The following PWWP2A variants were observed in gnomAD, a reference collection of about 807,000 sequenced individuals.
The protein encoded by PWWP2A is PWWP domain-containing protein 2A.
Under a neutral mutation model 48.5 loss-of-function variants are expected in PWWP2A, and 18 were observed. That is an observed-to-expected ratio of 0.37 (90% CI 0.26 to 0.55). PWWP2A has a LOEUF of 0.55. PWWP2A is among the 20% of genes least tolerant of loss of function. The pLI, the probability that PWWP2A is intolerant of heterozygous loss-of-function variation, is 0.81. For synonymous variants in PWWP2A, 396 were observed against 387.7 expected (o/e 1.02, Z -0.25); for missense variants, 867 against 976.4 (o/e 0.89, Z 1.49).
At position 160,111,759 on chromosome 5, in the gene PWWP2A, GTTAA is replaced by G. The variant is rs374314559; in HGVS notation, c.584+7042_584+7045del. On this transcript the variant is annotated intron_variant, in intron 1 of 1. Coordinates refer to ENST00000307063, the MANE Select transcript of PWWP2A (RefSeq NM_001130864.2). ...GGAAAACCCAAACTGAATTTGTAGG[GTTAA>G]TTGATTATTCTCATCTGCTAGCATT... 1.2e-4 allele frequency among the ~76,000 whole-genome samples: 18 copies of G among 152,280 alleles called. 1 individual carries two copies. Among genetic ancestry groups the G allele is most frequent in the African/African-American group, 4.1e-4 (17 of 41,560 alleles).
At chr5:160,099,191 A>G (rs1239132252) in intron 1 of PWWP2A, among the ~76,000 whole-genome samples, 1 of 152,214 alleles carries the variant, frequency 6.6e-6, no homozygotes, top group Non-Finnish European at 1.5e-5. Flanking sequence ...ACAAGTGTTT[A>G]GGTGAAAGGC....
downstream of PWWP2A, among the ~76,000 whole-genome samples, chr5:160,089,004 T>A (rs1374774815): frequency 6.6e-6 from 1 of 152,306 alleles, no homozygotes; most frequent in East Asian, 1.9e-4. Flanking sequence ...TTTTGTTGAT[T>A]TTAGTATCAG....
chr5:160,119,265 C>T lies in PWWP2A; in HGVS notation c.124G>A (p.Val42Ile). Residue 42 changes from valine (V) to isoleucine (I), a missense_variant, in exon 1 of 2, where the codon GTC becomes ATC. By Grantham distance (29) the Val-to-Ile change is conservative (BLOSUM62 3). Around this residue, in one of 4 missense-constraint regions of PWWP2A, gnomAD observed 385 missense variants for 396.9 expected, o/e 0.97. Transcript: ENST00000307063. The stretch of plus-strand genomic sequence containing the variant: ...GGCACAGACGCTTCAGTGGCCGTGA[C>T]CGGGAGGGGGTCAGTGCCGGCCTCA... Reference protein sequence around the residue: ...GSEAGTDPLPVTATEASVPDG... With the variant: ...GSEAGTDPLPITATEASVPDG... 1 of 1,404,594 alleles carries T rather than the reference C, an allele frequency of 7.1e-7. No homozygotes were observed. Among genetic ancestry groups the T allele is most frequent in the Non-Finnish European group, 9.2e-7 (1 of 1,089,514 alleles). The allele number at this position is 1,404,594 out of a possible 1,614,324, so 87.0% of individuals were successfully genotyped here.
At chr5:160,081,985 C>A (rs1400370666) in intron 2 of PWWP2A, among the ~76,000 whole-genome samples, 1 of 152,056 alleles carries the variant, frequency 6.6e-6, no homozygotes, top group African/African-American at 2.4e-5. Flanking sequence ...TTGTATACAC[C>A]TGATCTAGAA....
At chr5:160,086,010 G>C (rs1754606936) in intron 2 of PWWP2A, among the ~76,000 whole-genome samples, 1 of 151,376 alleles carries the variant, frequency 6.6e-6, no homozygotes, top group African/African-American at 2.4e-5. Flanking sequence ...ATAGAGACGG[G>C]GTTTCACCAT....
At chr5:160,061,088 C>T (rs59939934), downstream of PWWP2A, among the ~76,000 whole-genome samples, 12,451 of 152,280 alleles carry the variant, frequency 0.082, 704 homozygotes, top group Admixed American at 0.18. Flanking sequence ...GGCTGACGGG[C>T]CTGGCTCAGG....
intron 1 of PWWP2A, among the ~76,000 whole-genome samples, chr5:160,111,242 A>C (rs532089399): frequency 6.6e-6 from 1 of 152,210 alleles, no homozygotes; most frequent in South Asian, 2.1e-4. Context: ...ATCTCAGCTC[A>C]CTGCAACCTC....
At chr5:160,046,271 G>A in the PWWP2A span, among the ~76,000 whole-genome samples, 9 of 152,138 alleles carry the variant, frequency 5.9e-5, no homozygotes, top group South Asian at 2.1e-4. Flanking sequence ...CAATTTAGTC[G>A]TTGCTTCTCT....
chr5:160,111,711 A>G (rs1441144320), intron 1 of PWWP2A, among the ~76,000 whole-genome samples: 1 of 152,218 alleles, frequency 6.6e-6, no homozygotes, highest in African/African-American at 2.4e-5. Flanking sequence ...TAAAAAGCTA[A>G]GATTAAGGAC....
At chr5:160,106,775 A>G (rs532974205) in intron 1 of PWWP2A, among the ~76,000 whole-genome samples, 1 of 147,376 alleles carries the variant, frequency 6.8e-6, no homozygotes, top group East Asian at 2.0e-4. Context: ...CACATGATAC[A>G]TTGCTTAGTT....
chr5:160,113,084 G>A (rs181206360), intron 1 of PWWP2A: 24 of 240,728 alleles, frequency 1.0e-4, no homozygotes, highest in Admixed American at 9.8e-4. Context: ...CTTGAACCAC[G>A]GAGATGGAGG....
chr5:160,060,639 T>G (rs559842141), downstream of PWWP2A, among the ~76,000 whole-genome samples: 238 of 152,316 alleles, frequency 1.6e-3, 3 homozygotes, highest in African/African-American at 5.5e-3. Context: ...ATGATCCTAT[T>G]TGGATACAAG....
chr5:160,067,431 AATCAGGGCTGAGATTCC>A (rs1465853857), intron 2 of PWWP2A, among the ~76,000 whole-genome samples: 19 of 152,284 alleles, frequency 1.2e-4, no homozygotes, highest in Middle Eastern at 3.4e-3. Context: ...GACTTAGCAA[AATCAGGGCTGAGATTCC>A]AGAAGGACTA....
intron 1 of PWWP2A, among the ~76,000 whole-genome samples, chr5:160,111,261 G>A (rs1350826369): frequency 6.6e-6 from 1 of 152,064 alleles, no homozygotes; most frequent in African/African-American, 2.4e-5. Flanking sequence ...TCTAACTCCC[G>A]GGTTCAAGCG....
At chr5:160,081,153 G>C (rs1754201613) in intron 2 of PWWP2A, among the ~76,000 whole-genome samples, 2 of 151,874 alleles carry the variant, frequency 1.3e-5, no homozygotes, top group Non-Finnish European at 2.9e-5. Context: ...TGTTGGAGAA[G>C]TCCTGATCTT....
intron 2 of PWWP2A, among the ~76,000 whole-genome samples, chr5:160,069,958 A>G (rs1753703592): frequency 6.6e-6 from 1 of 152,098 alleles, no homozygotes; most frequent in Admixed American, 6.5e-5. Context: ...GTATATTCCC[A>G]CACTGTATCG....
intron 4 of PWWP2A, chr5:160,064,887 C>G: frequency 6.3e-7 from 1 of 1,581,314 alleles, no homozygotes; most frequent in Non-Finnish European, 8.6e-7. Flanking sequence ...CTTCCTGCTT[C>G]TGTTCATTCC....
chr5:160,074,093 A>G (rs1370062257), downstream of PWWP2A, among the ~76,000 whole-genome samples: 2 of 150,574 alleles, frequency 1.3e-5, no homozygotes, highest in Non-Finnish European at 3.0e-5. Context: ...TTTCATTCCG[A>G]TTAAGCAAAG....
the PWWP2A span, among the ~76,000 whole-genome samples, chr5:160,056,102 C>T: frequency 1.3e-5 from 2 of 152,304 alleles, no homozygotes; most frequent in East Asian, 3.9e-4. Flanking sequence ...CAAGAGCTGC[C>T]AGGTGCCTAT....
Sources: allele counts gnomAD v4.1 joint callset (sites outside exome capture counted in the v4.1 genomes callset), GRCh38; gene constraint gnomAD v4.1.1; regional missense constraint gnomAD v4.1.1; transcripts MANE v1.5; gene names NCBI Gene and HGNC (gene_info 2026-07-23, HGNC 2026-07-21).